LRRC53: variants seen among roughly 807,000 people sequenced by gnomAD.
LRRC53 encodes the protein leucine rich repeat containing 53, also known as leucine-rich repeat-containing protein 53.
A neutral mutation model predicts 13.6 loss-of-function variants in LRRC53; 25 were observed. The ratio of observed to expected loss-of-function variants is 1.83; its 90% CI spans 1.34 to 2.56. The LOEUF is 2.56. LRRC53 is among the 30% of genes most tolerant of loss of function. The pLI, the probability that LRRC53 is intolerant of heterozygous loss-of-function variation, is 0.00. For missense variants in LRRC53, 527 were observed against 275.8 expected, an observed-to-expected ratio of 1.91 and a Z score of -6.45; for synonymous variants, 204 against 109.8, an observed-to-expected ratio of 1.86 and a Z score of -5.37.
At chr1:74,524,459 A>G in the LRRC53 span, among the ~76,000 whole-genome samples, 14 of 152,304 alleles carry the variant, frequency 9.2e-5, no homozygotes, top group Non-Finnish European at 2.1e-4. Flanking sequence ...ACTGGTGACT[A>G]ACTGTGGAAT....
intron 1 of LRRC53, among the ~76,000 whole-genome samples, chr1:74,506,330 G>C (rs999625228): frequency 6.6e-6 from 1 of 152,150 alleles, no homozygotes; most frequent in Non-Finnish European, 1.5e-5. Context: ...TTCTACAAAT[G>C]AGAAACTGAA....
At chr1:74,504,789 G>GT (rs1303103003) in intron 1 of LRRC53, among the ~76,000 whole-genome samples, 2 of 152,044 alleles carry the variant, frequency 1.3e-5, no homozygotes, top group Non-Finnish European at 2.9e-5. Context: ...CTGTAATTTC[G>GT]TGTTCTTTTC....
chr1:74,496,306 C>A (rs970288804), intron 1 of LRRC53, among the ~76,000 whole-genome samples: 1 of 152,172 alleles, frequency 6.6e-6, no homozygotes, highest in African/African-American at 2.4e-5. Context: ...TGACTTATTA[C>A]GTGCATCATC....
chr1:74,472,988 T>C (rs1220070493), intron 4 of LRRC53, among the ~76,000 whole-genome samples: 2 of 152,148 alleles, frequency 1.3e-5, no homozygotes, highest in African/African-American at 4.8e-5. Context: ...CTTTGACTGT[T>C]TGGGGACAGA....
At chr1:74,503,505 G>A (rs1669739466) in intron 1 of LRRC53, among the ~76,000 whole-genome samples, 1 of 152,144 alleles carries the variant, frequency 6.6e-6, no homozygotes, top group African/African-American at 2.4e-5. Context: ...CAGTGACACT[G>A]TTGACTTAAG....
At chr1:74,504,024 T>G (rs183587829) in intron 1 of LRRC53, among the ~76,000 whole-genome samples, 85 of 152,276 alleles carry the variant, frequency 5.6e-4, no homozygotes, top group Admixed American at 1.9e-3. Context: ...ACACAGCCAT[T>G]TACTATATTT....
the LRRC53 span, among the ~76,000 whole-genome samples, chr1:74,520,394 G>C: frequency 1.3e-5 from 2 of 151,874 alleles, no homozygotes; most frequent in Non-Finnish European, 2.9e-5. Flanking sequence ...TTCTTCCTCA[G>C]CCCCTCCAGT....
Position 74,503,095 on chromosome 1 carries a change from G to A in LRRC53, c.-27+9431C>T, listed in dbSNP as rs1570711232. ...TTCCTCATTAAACGTACTCTCCACTGTGGTAGCCAAATGCAGTCAATGAAT... is the reference window on the plus strand; with the variant it reads ...TTCCTCATTAAACGTACTCTCCACTATGGTAGCCAAATGCAGTCAATGAAT... On this transcript the variant is annotated intron_variant, in intron 1 of 4. Transcript: ENST00000294635. 3.3e-5 allele frequency among the ~76,000 whole-genome samples: 5 copies of A among 152,176 alleles called. No individual in the cohort carries two copies. In the South Asian group the frequency reaches 1.0e-3, roughly 32 times the overall value.
In LRRC53 at chr1:74,471,144, A is replaced by T. The variant is rs889423795; in HGVS notation, c.2478T>A (p.Cys826Ter). Residue 826 changes from cysteine to a stop codon, truncating the protein, a stop_gained, in exon 5 of 5, where the codon TGT becomes TGA. Transcript: ENST00000294635. LOFTEE classifies it low-confidence loss of function (END_TRUNC). ...CATCAGGAATGTGGCCAGCTGAGTA[A>T]CAGCTGCTTTCTATAGAGCTCTGGT... is the stretch of plus-strand genomic sequence containing the variant. ...VVNQSSIESSCYSAGHIPDGN... is the reference protein window; with the variant it reads ...VVNQSSIESS 2.5e-6 allele frequency: 1 copy of T among 400,596 alleles called. No individual in the cohort carries two copies. The highest frequency in any genetic ancestry group is 4.4e-6 in the Non-Finnish European group (1 of 226,198). 24.8% of individuals were successfully genotyped at this position (400,596 alleles called of 1,614,324 possible). A position where few individuals can be genotyped will look rare whatever the true frequency, so the allele number is the denominator to read the frequency against.
chr1:74,489,773 T>C (rs1668957944), intron 1 of LRRC53, among the ~76,000 whole-genome samples: 1 of 152,168 alleles, frequency 6.6e-6, no homozygotes, highest in Admixed American at 6.5e-5. Flanking sequence ...TTGCTTTAAG[T>C]TTCTCTACAA....
the LRRC53 span, among the ~76,000 whole-genome samples, chr1:74,528,223 G>T: frequency 6.6e-6 from 1 of 152,282 alleles, no homozygotes; most frequent in South Asian, 2.1e-4. Flanking sequence ...AAGGAAGTTG[G>T]AGCATAAGGG....
chr1:74,475,817 C>T lies in LRRC53; in HGVS notation c.905-7G>A. On this transcript the variant is annotated splice_polypyrimidine_tract_variant and splice_region_variant and intron_variant, in intron 3 of 4. Coordinates refer to ENST00000294635, the MANE Select transcript of LRRC53 (RefSeq NM_001382280.1). ...CAAGTGAGACCAACAGCTCCTATGA[C>T]AAATAGAGAGACCATTAAAAGATAA... is the stretch of plus-strand genomic sequence containing the variant. 1.7e-6 allele frequency: 1 copy of T among 578,100 alleles called. No individual in the cohort carries two copies. Among genetic ancestry groups the T allele is most frequent in the Non-Finnish European group, 3.2e-6 (1 of 317,314 alleles). 35.8% of individuals were successfully genotyped at this position (578,100 alleles called of 1,614,324 possible). A position where few individuals can be genotyped will look rare whatever the true frequency, so the allele number is the denominator to read the frequency against.
intron 3 of LRRC53, among the ~76,000 whole-genome samples, chr1:74,476,043 T>C (rs928685896): frequency 1.3e-5 from 2 of 152,120 alleles, no homozygotes; most frequent in Non-Finnish European, 2.9e-5. Context: ...CAACACCATC[T>C]GGAATCTCTT....
upstream of LRRC53, among the ~76,000 whole-genome samples, chr1:74,514,977 G>T (rs1646328400): frequency 6.6e-6 from 1 of 152,076 alleles, no homozygotes; most frequent in South Asian, 2.1e-4. Flanking sequence ...AGAATGGCAT[G>T]TGAAGATGAT....
the LRRC53 span, among the ~76,000 whole-genome samples, chr1:74,531,831 G>A: frequency 6.6e-6 from 1 of 152,182 alleles, no homozygotes; most frequent in Non-Finnish European, 1.5e-5. Flanking sequence ...ATTGATCCTT[G>A]TGCTAATATT....
chr1:74,505,056 G>T (rs899942806), intron 1 of LRRC53, among the ~76,000 whole-genome samples: 22 of 152,104 alleles, frequency 1.4e-4, no homozygotes, highest in African/African-American at 5.3e-4. Context: ...GTTCTATGAG[G>T]TTTTCATTCC....
At chr1:74,527,453 C>T in the LRRC53 span, among the ~76,000 whole-genome samples, 1 of 152,166 alleles carries the variant, frequency 6.6e-6, no homozygotes, top group East Asian at 1.9e-4. Context: ...AAAAACAAGT[C>T]TGCCGTAAGG....
chr1:74,503,097 G>A (rs1309666023), intron 1 of LRRC53, among the ~76,000 whole-genome samples: 1 of 152,032 alleles, frequency 6.6e-6, no homozygotes, highest in African/African-American at 2.4e-5. Flanking sequence ...TCTCCACTGT[G>A]GTAGCCAAAT....
chr1:74,536,000 G>A, the LRRC53 span, among the ~76,000 whole-genome samples: 1 of 151,974 alleles, frequency 6.6e-6, no homozygotes. Context: ...TTTTCTTAAT[G>A]TATCCATGGT....
Sources: allele counts gnomAD v4.1 joint callset (sites outside exome capture counted in the v4.1 genomes callset), GRCh38; gene constraint gnomAD v4.1.1; transcripts MANE v1.5; gene names NCBI Gene and HGNC (gene_info 2026-07-23, HGNC 2026-07-21).